FOXP2: variants seen among roughly 807,000 people sequenced by gnomAD.
FOXP2 encodes the protein forkhead box protein P2.
FOXP2 carries 12 observed loss-of-function variants against 115.8 expected under a neutral mutation model. The observed-to-expected ratio is 0.10, with a 90% CI of 0.07 to 0.17. The LOEUF is 0.17. Among genes scored for constraint, FOXP2 ranks in the 10% least tolerant of loss-of-function variants. The pLI, the probability that FOXP2 is intolerant of heterozygous loss-of-function variation, is 1.00. For synonymous variants in FOXP2, 328 were observed against 297.7 expected, an observed-to-expected ratio of 1.10 and a Z score of -1.05; for missense variants, 629 against 843.5, an observed-to-expected ratio of 0.75 and a Z score of 3.15.
At chr7:114,319,964 G>A (rs530605966) in intron 2 of FOXP2, among the ~76,000 whole-genome samples, 1 of 152,024 alleles carries the variant, frequency 6.6e-6, no homozygotes. Context: ...TCAGGTCCCT[G>A]GGAAATCTAC....
chr7:114,160,264 A>C (rs1028420160), upstream of FOXP2, among the ~76,000 whole-genome samples: 1 of 152,086 alleles, frequency 6.6e-6, no homozygotes, highest in South Asian at 2.1e-4. Flanking sequence ...TGGGACTGAG[A>C]GACAGGAGTG....
chr7:114,249,554 G>T (rs868056721), intron 1 of FOXP2, among the ~76,000 whole-genome samples: 2 of 152,046 alleles, frequency 1.3e-5, no homozygotes, highest in Non-Finnish European at 2.9e-5. Context: ...TCTTTCCTTT[G>T]TATGGCTGCA....
rs1584635819 is a variant in FOXP2, at chr7:114,323,196, C to A, written c.-11+35087C>A. On this transcript the variant is annotated intron_variant, in intron 2 of 17. Coordinates refer to the FOXP2 transcript ENST00000634411. ...ATCAGAGCCTCTCTTTATACAATGA[C>A]AATCCATTATCTATTTTAATTTTAC... Among the ~76,000 whole-genome samples the A allele has an allele frequency of 3.9e-5, 6 of 152,210 alleles. 1 individual carries two copies. The highest frequency in any genetic ancestry group is 3.9e-4 in the Admixed American group (6 of 15,292).
At chr7:114,465,058 A>G (rs562185610) in intron 2 of FOXP2, among the ~76,000 whole-genome samples, 1 of 152,336 alleles carries the variant, frequency 6.6e-6, no homozygotes, top group African/African-American at 2.4e-5. Context: ...TGTGGACATT[A>G]TAGTTGATTT....
chr7:114,464,413 A>G (rs1424196376), intron 2 of FOXP2, among the ~76,000 whole-genome samples: 1 of 152,186 alleles, frequency 6.6e-6, no homozygotes, highest in Non-Finnish European at 1.5e-5. Context: ...AACTAACCAC[A>G]CTGTCTGTTT....
chr7:114,164,237 T>G (rs550604779), intron 1 of FOXP2, among the ~76,000 whole-genome samples: 1 of 152,280 alleles, frequency 6.6e-6, no homozygotes, highest in East Asian at 1.9e-4. Flanking sequence ...GCAGTAACTA[T>G]GCATAGAAAA....
intron 2 of FOXP2, among the ~76,000 whole-genome samples, chr7:114,408,054 A>T (rs1412781908): frequency 6.6e-6 from 1 of 152,170 alleles, no homozygotes; most frequent in Admixed American, 6.5e-5. Context: ...ATTTTTGATT[A>T]ACATTTTATT....
At position 114,479,984 on chromosome 7, in the gene FOXP2, C is replaced by T. The variant is rs375596628; in HGVS notation, c.168+53305C>T. 2.0e-4 allele frequency among the ~76,000 whole-genome samples: 30 copies of T among 151,358 alleles called. 1 individual carries two copies. Among genetic ancestry groups the T allele is most frequent in the African/African-American group, 5.6e-4 (23 of 41,440 alleles). On this transcript the variant is annotated intron_variant, in intron 2 of 16. Coordinates refer to ENST00000350908, the MANE Select transcript of FOXP2 (RefSeq NM_014491.4). ...TCTTTATATTCAGATTGGAACCAACCGTCTGCTTCTTTCTATAATATTTGC... is the reference window on the plus strand; with the variant it reads ...TCTTTATATTCAGATTGGAACCAACTGTCTGCTTCTTTCTATAATATTTGC...
intron 1 of FOXP2, among the ~76,000 whole-genome samples, chr7:114,101,248 A>G (rs1357802285): frequency 6.6e-6 from 1 of 152,294 alleles, no homozygotes; most frequent in Middle Eastern, 3.4e-3. Context: ...GGGTATTCCA[A>G]GGCTGTTTTT....
chr7:114,526,927 C>A (rs1287620337), intron 2 of FOXP2, among the ~76,000 whole-genome samples: 2 of 151,922 alleles, frequency 1.3e-5, no homozygotes, highest in Non-Finnish European at 2.9e-5. Flanking sequence ...AAAAAGAAAC[C>A]CCATTCTCAT....
At chr7:114,144,710 T>C (rs1792318699) in intron 1 of FOXP2, among the ~76,000 whole-genome samples, 1 of 152,142 alleles carries the variant, frequency 6.6e-6, no homozygotes, top group South Asian at 2.1e-4. Context: ...GGTTCAGAAG[T>C]GTTCAGAGTT....
chr7:114,673,861 G>A lies in FOXP2; in HGVS notation c.2003+9425G>A, dbSNP rs1824051. Among the ~76,000 whole-genome samples, 4,870 of 152,100 alleles carry A rather than the reference G, an allele frequency of 0.032. 417 individuals are homozygous for A. In the East Asian group the frequency reaches 0.34, roughly 11 times the overall value. ...ATTACAGGCGCCTGCCACTACACCC[G>A]ACTAATTTTTTTATATTTTTAGTAG... On this transcript the variant is annotated intron_variant, in intron 16 of 16. Coordinates refer to ENST00000350908, the MANE Select transcript of FOXP2 (RefSeq NM_014491.4).
chr7:114,416,730 G>C (rs1584708299), intron 1 of FOXP2, among the ~76,000 whole-genome samples: 1 of 151,884 alleles, frequency 6.6e-6, no homozygotes, highest in Non-Finnish European at 1.5e-5. Flanking sequence ...CCCTTCTGCT[G>C]TACAAGTTTG....
intron 16 of FOXP2, 175 bp downstream of exon 16, chr7:114,664,611 T>G: frequency 1.4e-6 from 1 of 710,208 alleles, no homozygotes; most frequent in Non-Finnish European, 2.3e-6. Flanking sequence ...TTTTAATACA[T>G]TTTTTAGATG....
intron 2 of FOXP2, among the ~76,000 whole-genome samples, chr7:114,332,707 G>T (rs1250060267): frequency 6.6e-6 from 1 of 152,142 alleles, no homozygotes; most frequent in African/African-American, 2.4e-5. Context: ...GTGGTTTGGG[G>T]TGAGAAATTT....
chr7:114,595,052 T>C (rs2129310246), intron 3 of FOXP2, among the ~76,000 whole-genome samples: 1 of 152,186 alleles, frequency 6.6e-6, no homozygotes, highest in East Asian at 1.9e-4. Context: ...GTGCATGATA[T>C]TTATAACATA....
chr7:114,550,994 C>G (rs1009290549), intron 3 of FOXP2, among the ~76,000 whole-genome samples: 4 of 151,982 alleles, frequency 2.6e-5, no homozygotes, highest in African/African-American at 9.6e-5. Flanking sequence ...TTTTTTCTAC[C>G]TTTTTGCTTG....
At chr7:114,657,857 G>C (rs962429380) in intron 10 of FOXP2, among the ~76,000 whole-genome samples, 2 of 152,122 alleles carry the variant, frequency 1.3e-5, no homozygotes, top group African/African-American at 4.8e-5. Context: ...CATTGCAGTA[G>C]ATTATTAGAT....
chr7:114,154,912 C>T (rs1015681635), intron 1 of FOXP2, among the ~76,000 whole-genome samples: 1 of 152,046 alleles, frequency 6.6e-6, no homozygotes, highest in African/African-American at 2.4e-5. Flanking sequence ...ACCAGAGTCT[C>T]ACTAAGTCTT....
Sources: allele counts gnomAD v4.1 joint callset (sites outside exome capture counted in the v4.1 genomes callset), GRCh38; gene constraint gnomAD v4.1.1; transcripts MANE v1.5; gene names NCBI Gene and HGNC (gene_info 2026-07-23, HGNC 2026-07-21).